The following DACH2 variants were observed in gnomAD, a reference collection of about 807,000 sequenced individuals.
DACH2 encodes dachshund homolog 2.
In DACH2, 17 loss-of-function variants were observed where a neutral mutation model predicts 35.8. That is an observed-to-expected ratio of 0.48 (90% confidence interval 0.33 to 0.71). The LOEUF is 0.71. Among genes scored for constraint, DACH2 ranks in the 30% least tolerant of loss-of-function variants. The pLI, the probability that DACH2 is intolerant of heterozygous loss-of-function variation, is 0.02. For synonymous variants in DACH2, 195 were observed against 177.3 expected, an observed-to-expected ratio of 1.10 and a Z score of -0.79; for missense variants, 469 against 472.7, an observed-to-expected ratio of 0.99 and a Z score of 0.07.
chrX:86,330,314 G>A (rs762119208), intron 1 of DACH2, among the ~76,000 whole-genome samples: 1 of 111,935 alleles, frequency 8.9e-6, no homozygotes, highest in African/African-American at 3.2e-5. Flanking sequence ...AGGCAAGGAG[G>A]TTCCAGCTAA....
chrX:86,215,144 T>C (rs2032539679), intron 1 of DACH2, among the ~76,000 whole-genome samples: 1 of 111,327 alleles, frequency 9.0e-6, no homozygotes, highest in South Asian at 3.8e-4. Context: ...TTCTCTGCAC[T>C]TTTTTGGAAA....
intron 2 of DACH2, among the ~76,000 whole-genome samples, chrX:86,395,665 G>T (rs2148123134): frequency 9.0e-6 from 1 of 111,118 alleles, no homozygotes; most frequent in African/African-American, 3.3e-5. Context: ...GCGATAGTTT[G>T]CTGAGAATGA....
intron 1 of DACH2, among the ~76,000 whole-genome samples, chrX:86,298,230 T>G (rs1466291420): frequency 8.9e-6 from 1 of 111,896 alleles, no homozygotes; most frequent in African/African-American, 3.2e-5. Flanking sequence ...AAATGATATA[T>G]TTCCATAATT....
intron 1 of DACH2, among the ~76,000 whole-genome samples, chrX:86,312,545 G>GTGATTAA (rs1480391776): frequency 9.0e-6 from 1 of 111,589 alleles, no homozygotes; most frequent in African/African-American, 3.3e-5. Flanking sequence ...TTGCCCAAAA[G>GTGATTAA]TGATTAATAT....
intron 2 of DACH2, among the ~76,000 whole-genome samples, chrX:86,436,613 A>G (rs2037071632): frequency 9.1e-6 from 1 of 110,403 alleles, no homozygotes; most frequent in East Asian, 2.8e-4. Flanking sequence ...TTTTTCTTGC[A>G]ATGTCTTTAG....
chrX:86,811,013 C>G (rs1208882129), intron 7 of DACH2, among the ~76,000 whole-genome samples: 1 of 111,655 alleles, frequency 9.0e-6, no homozygotes. Flanking sequence ...AAAATAATTC[C>G]TAGGAAGTTA....
intron 1 of DACH2, among the ~76,000 whole-genome samples, chrX:86,346,332 A>G (rs2035496506): frequency 9.2e-6 from 1 of 109,188 alleles, no homozygotes; most frequent in Non-Finnish European, 1.9e-5. Flanking sequence ...TGTTAATTGC[A>G]TTGCACTACT....
At chrX:86,318,003 A>G (rs2034946146) in intron 1 of DACH2, among the ~76,000 whole-genome samples, 2 of 111,743 alleles carry the variant, frequency 1.8e-5, no homozygotes, top group African/African-American at 3.3e-5. Flanking sequence ...TCTTGGTAAA[A>G]CAACCAGTTT....
At chrX:86,444,042 C>T (rs1027326502) in intron 2 of DACH2, among the ~76,000 whole-genome samples, 3 of 111,018 alleles carry the variant, frequency 2.7e-5, no homozygotes, top group South Asian at 3.8e-4. Flanking sequence ...CTCATCTTTA[C>T]GTTTTTGGAA....
intron 2 of DACH2, among the ~76,000 whole-genome samples, chrX:86,411,352 T>G (rs1267905838): frequency 1.8e-5 from 2 of 109,961 alleles, no homozygotes; most frequent in Non-Finnish European, 3.8e-5. Flanking sequence ...TTAATCTTTT[T>G]AACATTTTAA....
chrX:86,674,524 G>C (rs2040805800), intron 4 of DACH2, among the ~76,000 whole-genome samples: 1 of 112,234 alleles, frequency 8.9e-6, no homozygotes, highest in African/African-American at 3.2e-5. Flanking sequence ...GGCCAAAAGA[G>C]CAGAATAGAA....
intron 2 of DACH2, among the ~76,000 whole-genome samples, chrX:86,403,755 A>G (rs1473478982): frequency 8.9e-6 from 1 of 111,963 alleles, no homozygotes; most frequent in Non-Finnish European, 1.9e-5. Flanking sequence ...GTTCATAGTA[A>G]TACTATTCAC....
At chrX:86,154,551 G>A (rs754993160) in intron 1 of DACH2, among the ~76,000 whole-genome samples, 2 of 111,399 alleles carry the variant, frequency 1.8e-5, no homozygotes, top group Non-Finnish European at 3.8e-5. Flanking sequence ...GGGAAATTGA[G>A]CATTTGTACC....
chrX:86,666,250 T>C (rs755266520), intron 4 of DACH2, among the ~76,000 whole-genome samples: 2 of 110,136 alleles, frequency 1.8e-5, no homozygotes, highest in African/African-American at 6.6e-5. Flanking sequence ...TATATTAAGT[T>C]AATAAAGGCA....
chrX:86,324,928 C>T (rs1328317504), intron 1 of DACH2, among the ~76,000 whole-genome samples: 1 of 109,807 alleles, frequency 9.1e-6, no homozygotes, highest in Non-Finnish European at 1.9e-5. Context: ...GGTGCCTCCA[C>T]CAGCAAAAGT....
chrX:86,588,795 G>T (rs2039607474), intron 3 of DACH2, among the ~76,000 whole-genome samples: 1 of 110,912 alleles, frequency 9.0e-6, no homozygotes, highest in Admixed American at 9.7e-5. Flanking sequence ...GTATTGAATT[G>T]TTTTGTCAGC....
intron 1 of DACH2, among the ~76,000 whole-genome samples, chrX:86,334,993 C>A (rs1344834287): frequency 8.9e-6 from 1 of 111,971 alleles, no homozygotes; most frequent in African/African-American, 3.2e-5. Context: ...CCAGTTTTCC[C>A]AACAACATTT....
intron 7 of DACH2, among the ~76,000 whole-genome samples, chrX:86,746,551 C>A (rs1285019661): frequency 8.9e-6 from 1 of 111,752 alleles, no homozygotes; most frequent in Non-Finnish European, 1.9e-5. Flanking sequence ...TATACATCTT[C>A]TTTGGACAAA....
chrX:86,508,586 G>A (rs2038357362), intron 2 of DACH2, among the ~76,000 whole-genome samples: 1 of 110,249 alleles, frequency 9.1e-6, no homozygotes. Context: ...ATTTACTAAG[G>A]TGCATTGATT....
Sources: allele counts gnomAD v4.1 joint callset (sites outside exome capture counted in the v4.1 genomes callset), GRCh38; gene constraint gnomAD v4.1.1; transcripts MANE v1.5; gene names NCBI Gene and HGNC (gene_info 2026-07-23, HGNC 2026-07-21).